The following HTR1F variants were observed in gnomAD, a reference collection of about 807,000 sequenced individuals.
The protein encoded by HTR1F is 5-hydroxytryptamine receptor 1F.
In HTR1F, 17 loss-of-function variants were observed where a neutral mutation model predicts 24.0. The ratio of observed to expected loss-of-function variants is 0.71; its 90% CI spans 0.48 to 1.06. HTR1F has a LOEUF of 1.06. Ranked by LOEUF, HTR1F falls within the 50% of genes least tolerant of loss-of-function variation. The pLI is 0.00. For synonymous variants in HTR1F, 186 were observed against 156.8 expected (o/e 1.19, Z -1.39); for missense variants, 391 against 427.8 (o/e 0.91, Z 0.76).
At chr3:87,911,885 C>G (rs1396958344) in intron 2 of HTR1F, among the ~76,000 whole-genome samples, 1 of 151,950 alleles carries the variant, frequency 6.6e-6, no homozygotes, top group East Asian at 1.9e-4. Flanking sequence ...GTTCAAAAAC[C>G]CTCAATAAAC....
At chr3:87,814,404 T>C (rs1447649313) in intron 1 of HTR1F, among the ~76,000 whole-genome samples, 2 of 152,132 alleles carry the variant, frequency 1.3e-5, no homozygotes, top group Non-Finnish European at 2.9e-5. Context: ...ACTCTTAAAA[T>C]CTCTCTTAGC....
intron 2 of HTR1F, among the ~76,000 whole-genome samples, chr3:87,963,994 T>C (rs1299056616): frequency 1.3e-5 from 2 of 152,106 alleles, no homozygotes; most frequent in African/African-American, 4.8e-5. Flanking sequence ...CTCCAGGAAC[T>C]TTCTCCAATC....
intron 2 of HTR1F, among the ~76,000 whole-genome samples, chr3:87,850,913 T>C (rs138587930): frequency 5.9e-5 from 9 of 151,742 alleles, no homozygotes; most frequent in African/African-American, 2.2e-4. Context: ...TTCATCACAG[T>C]TTTTTATTTA....
At chr3:87,887,967 G>A (rs972157715) in intron 2 of HTR1F, among the ~76,000 whole-genome samples, 3 of 152,064 alleles carry the variant, frequency 2.0e-5, no homozygotes, top group African/African-American at 7.2e-5. Flanking sequence ...TCCCATTACT[G>A]GGTATATACC....
chr3:87,908,569 G>T (rs1576014983), intron 2 of HTR1F, among the ~76,000 whole-genome samples: 1 of 152,054 alleles, frequency 6.6e-6, no homozygotes. Context: ...TGTAGTTTCT[G>T]TATTTTGAAT....
chr3:87,891,871 C>T (rs748937993), intron 2 of HTR1F, among the ~76,000 whole-genome samples: 8 of 152,158 alleles, frequency 5.3e-5, no homozygotes, highest in Non-Finnish European at 1.0e-4. Flanking sequence ...ACTTTATAAT[C>T]ACCACTGTAA....
intron 2 of HTR1F, among the ~76,000 whole-genome samples, chr3:87,946,909 G>C (rs1056883800): frequency 6.6e-6 from 1 of 152,164 alleles, no homozygotes; most frequent in Non-Finnish European, 1.5e-5. Context: ...ACAGGCATGA[G>C]CCACCACGCC....
chr3:87,933,924 C>A (rs1168829875), intron 2 of HTR1F, among the ~76,000 whole-genome samples: 1 of 152,136 alleles, frequency 6.6e-6, no homozygotes, highest in Non-Finnish European at 1.5e-5. Flanking sequence ...GATAAGACTC[C>A]CTGGGATCAG....
intron 2 of HTR1F, among the ~76,000 whole-genome samples, chr3:87,882,122 C>T (rs763113072): frequency 3.3e-5 from 5 of 152,206 alleles, no homozygotes; most frequent in Admixed American, 6.5e-5. Context: ...GTCACCATCA[C>T]TGTCCATCAG....
intron 2 of HTR1F, among the ~76,000 whole-genome samples, chr3:87,897,773 C>A (rs142050086): frequency 6.6e-6 from 1 of 152,052 alleles, no homozygotes; most frequent in African/African-American, 2.4e-5. Context: ...CTCCTGCATA[C>A]GTCATTTGTT....
rs533094788 is a variant in HTR1F, at chr3:87,981,922, T to C, written c.-42-8786T>C. 9.3e-4 allele frequency among the ~76,000 whole-genome samples: 135 copies of C among 145,754 alleles called. 1 individual carries two copies. Among genetic ancestry groups the C allele is most frequent in the Non-Finnish European group, 1.7e-3 (110 of 66,596 alleles). On this transcript the variant is annotated intron_variant, in intron 2 of 2. Transcript: ENST00000319595. ...GCGTATATGTAAATTCCATTTAAAA[T>C]AAGAATGCCTTCTTCTTTCTTTTTT... is the stretch of plus-strand genomic sequence containing the variant.
intron 2 of HTR1F, among the ~76,000 whole-genome samples, chr3:87,930,435 C>A (rs1047638424): frequency 1.3e-5 from 2 of 152,032 alleles, no homozygotes; most frequent in Non-Finnish European, 2.9e-5. Context: ...ATAGGTGGCT[C>A]TTAATGTTTT....
intron 2 of HTR1F, among the ~76,000 whole-genome samples, chr3:87,951,468 T>C (rs1159914041): frequency 2.6e-5 from 4 of 152,114 alleles, no homozygotes; most frequent in African/African-American, 9.7e-5. Context: ...AGTGTGTTGG[T>C]ACATTACCCC....
chr3:87,884,932 T>C (rs1172148057), intron 2 of HTR1F, among the ~76,000 whole-genome samples: 3 of 151,882 alleles, frequency 2.0e-5, no homozygotes, highest in Non-Finnish European at 4.4e-5. Context: ...GACAGATCAA[T>C]GAGTCAGAAG....
intron 2 of HTR1F, among the ~76,000 whole-genome samples, chr3:87,840,719 T>A (rs1383986162): frequency 2.7e-5 from 4 of 150,462 alleles, no homozygotes; most frequent in African/African-American, 1.0e-4. Flanking sequence ...TAAAATGTGA[T>A]GTATATATGC....
At chr3:87,949,843 T>C (rs1308142635) in intron 2 of HTR1F, among the ~76,000 whole-genome samples, 2 of 152,224 alleles carry the variant, frequency 1.3e-5, no homozygotes, top group Non-Finnish European at 2.9e-5. Context: ...CGTTCCCAGT[T>C]TGAACAATGT....
chr3:87,954,967 T>C (rs1245522718), intron 2 of HTR1F, among the ~76,000 whole-genome samples: 1 of 151,442 alleles, frequency 6.6e-6, no homozygotes, highest in Non-Finnish European at 1.5e-5. Context: ...TATATTCTGC[T>C]TGGAGAATGT....
At chr3:87,934,140 G>A (rs117100878) in intron 2 of HTR1F, among the ~76,000 whole-genome samples, 6 of 152,152 alleles carry the variant, frequency 3.9e-5, no homozygotes, top group East Asian at 3.9e-4. Context: ...TGACCTACTC[G>A]AACCCCTGTA....
rs543765485 is a variant in HTR1F at position 87,845,216 on chromosome 3, T to C, written c.-43+23092T>C. On this transcript the variant is annotated intron_variant, in intron 2 of 2. Coordinates refer to ENST00000319595, the MANE Select transcript of HTR1F (RefSeq NM_001322209.2). ...CTCACCACTCCTATTCAACATAGTG[T>C]TGGAAGTTCTGGCCAGAGCAATTAG... Among the ~76,000 whole-genome samples, 866 of 151,700 alleles carry C rather than the reference T, an allele frequency of 5.7e-3. 18 individuals are homozygous for C. The highest frequency in any genetic ancestry group is 0.02 in the African/African-American group (829 of 41,102).
Sources: allele counts gnomAD v4.1 joint callset (sites outside exome capture counted in the v4.1 genomes callset), GRCh38; gene constraint gnomAD v4.1.1; transcripts MANE v1.5; gene names NCBI Gene and HGNC (gene_info 2026-07-23, HGNC 2026-07-21).